SPRY3: variants seen among roughly 807,000 people sequenced by gnomAD.
SPRY3 encodes the protein protein sprouty homolog 3.
A neutral mutation model predicts 20.2 loss-of-function variants in SPRY3; 15 were observed. The observed-to-expected ratio is 0.74, with a 90% CI of 0.50 to 1.14. SPRY3 has a LOEUF of 1.14. Ranked by LOEUF, SPRY3 falls within the 50% of genes most tolerant of loss-of-function variation. SPRY3 has a pLI of 0.00. For missense variants in SPRY3, 364 were observed against 363.9 expected (o/e 1.00, Z 0.00); for synonymous variants, 143 against 136.5 (o/e 1.05, Z -0.33).
At chrX:155,739,963 C>G (rs2091194938) in intron 2 of SPRY3, among the ~76,000 whole-genome samples, 1 of 152,092 alleles carries the variant, frequency 6.6e-6, no homozygotes, top group Non-Finnish European at 1.5e-5. Context: ...TGGGCTGAGG[C>G]TGAGATGGCT....
chrX:155,773,827 G>A (rs770971895), exon 4 of SPRY3: 2 of 1,585,686 alleles, frequency 1.3e-6, no homozygotes, highest in Admixed American at 3.4e-5. Context: ...CACCATAAGT[G>A]CCACCCTGAC....
chrX:155,665,051 A>C (rs962147420), intron 2 of SPRY3, among the ~76,000 whole-genome samples: 10 of 111,126 alleles, frequency 9.0e-5, no homozygotes, highest in Non-Finnish European at 1.5e-4. Flanking sequence ...TCTATAAACA[A>C]AAAAAGACAA....
intron 1 of SPRY3, among the ~76,000 whole-genome samples, chrX:155,629,910 T>C (rs1557350297): frequency 8.9e-6 from 1 of 112,395 alleles, no homozygotes; most frequent in Admixed American, 9.5e-5. Context: ...TTTGATGTAA[T>C]CCCATTTGTT....
At chrX:155,708,243 CTG>C (rs2090964208) in intron 2 of SPRY3, among the ~76,000 whole-genome samples, 1 of 151,164 alleles carries the variant, frequency 6.6e-6, no homozygotes, top group African/African-American at 2.4e-5. Context: ...TTATGTGACA[CTG>C]TATTTATTTT....
At chrX:155,731,932 A>G (rs1347142710) in intron 2 of SPRY3, among the ~76,000 whole-genome samples, 1 of 152,068 alleles carries the variant, frequency 6.6e-6, no homozygotes, top group East Asian at 1.9e-4. Context: ...GCATTGCTCC[A>G]GTACATTGAC....
At chrX:155,772,392 T>A (rs1355449265) in intron 3 of SPRY3, among the ~76,000 whole-genome samples, 2 of 152,174 alleles carry the variant, frequency 1.3e-5, no homozygotes, top group Non-Finnish European at 2.9e-5. Flanking sequence ...TATGGAAACG[T>A]AATCAAGCAC....
chrX:155,669,970 C>T (rs1011065686), intron 2 of SPRY3: 4 of 111,001 alleles, frequency 3.6e-5, no homozygotes, highest in Non-Finnish European at 7.6e-5. Flanking sequence ...AACACCAAAA[C>T]GAATAATAAG....
chrX:155,631,159 AGT>A (rs1557350478), intron 1 of SPRY3, among the ~76,000 whole-genome samples: 1 of 111,366 alleles, frequency 9.0e-6, no homozygotes, highest in Admixed American at 9.6e-5. Context: ...ATGTGTGCTC[AGT>A]GTTTGGCTCC....
chrX:155,631,001 G>A (rs781796313), intron 1 of SPRY3, among the ~76,000 whole-genome samples: 107 of 109,758 alleles, frequency 9.7e-4, no homozygotes, highest in Non-Finnish European at 1.7e-3. Flanking sequence ...TTGTCACATG[G>A]GGATTTGTGT....
At chrX:155,743,133 A>G (rs1236953476) in intron 2 of SPRY3, among the ~76,000 whole-genome samples, 1 of 152,174 alleles carries the variant, frequency 6.6e-6, no homozygotes, top group African/African-American at 2.4e-5. Context: ...GGTAAGGGGG[A>G]TATCACCACT....
At chrX:155,654,324 T>C (rs2067985494) in intron 1 of SPRY3, among the ~76,000 whole-genome samples, 1 of 111,939 alleles carries the variant, frequency 8.9e-6, no homozygotes, top group African/African-American at 3.2e-5. Context: ...TTTTTACATT[T>C]TTAAAATTTT....
chrX:155,757,302 T>C (rs2091287137), intron 2 of SPRY3, among the ~76,000 whole-genome samples: 1 of 152,098 alleles, frequency 6.6e-6, no homozygotes, highest in Non-Finnish European at 1.5e-5. Flanking sequence ...GGGATTTGCA[T>C]TTACTGTTTC....
chrX:155,729,551 T>C (rs1455536625), intron 2 of SPRY3, among the ~76,000 whole-genome samples: 3 of 151,998 alleles, frequency 2.0e-5, no homozygotes, highest in Non-Finnish European at 4.4e-5. Context: ...ACCTATGAGA[T>C]ACAGCAAAAG....
At chrX:155,761,286 A>T (rs942210972) in intron 2 of SPRY3, among the ~76,000 whole-genome samples, 2 of 152,084 alleles carry the variant, frequency 1.3e-5, no homozygotes, top group African/African-American at 4.8e-5. Context: ...GTGTATCCTG[A>T]TTCCTTTCTA....
chrX:155,781,135 G>C (rs1682644946), downstream of SPRY3: 1 of 166,906 alleles, frequency 6.0e-6, no homozygotes, highest in Non-Finnish European at 1.5e-5. Flanking sequence ...GAGATGGGTG[G>C]AGACTTGGCC....
chrX:155,780,238 G>C (rs2091455514), downstream of SPRY3: 1 of 167,004 alleles, frequency 6.0e-6, no homozygotes, highest in Admixed American at 6.6e-5. Flanking sequence ...TCCCTCTGAT[G>C]GTAAAAGACA....
intron 2 of SPRY3, among the ~76,000 whole-genome samples, chrX:155,744,547 C>T (rs776963204): frequency 9.2e-5 from 14 of 152,020 alleles, no homozygotes; most frequent in African/African-American, 3.1e-4. Flanking sequence ...TCCTGGCAAA[C>T]GCAGTTTAAA....
At chrX:155,773,060 T>G (rs911956978) in intron 3 of SPRY3, among the ~76,000 whole-genome samples, 1 of 151,932 alleles carries the variant, frequency 6.6e-6, no homozygotes, top group African/African-American at 2.4e-5. Context: ...CCTTAGTAAG[T>G]TAAAGCAGCC....
chrX:155,740,450 A>G (rs2091198090), intron 2 of SPRY3, among the ~76,000 whole-genome samples: 1 of 152,046 alleles, frequency 6.6e-6, no homozygotes. Flanking sequence ...CTAGCAAGGA[A>G]TATTAATAAT....
Sources: gnomAD v4.1 joint callset for allele counts (sites outside exome capture counted in the v4.1 genomes callset) on GRCh38, gnomAD v4.1.1 for gene constraint, MANE v1.5 for transcripts, NCBI Gene and HGNC (gene_info 2026-07-23, HGNC 2026-07-21) for gene names.